The following PRKN variants were observed in gnomAD, a reference collection of about 807,000 sequenced individuals.
PRKN encodes the protein parkin RBR E3 ubiquitin protein ligase.
A neutral mutation model predicts 59.5 loss-of-function variants in PRKN; 56 were observed. The ratio of observed to expected loss-of-function variants is 0.94; its 90% CI spans 0.76 to 1.18. The LOEUF (loss-of-function observed/expected upper bound fraction) is 1.18, where lower values mean the gene tolerates loss of function less well. PRKN is among the 50% of genes most tolerant of loss of function. The probability of loss-of-function intolerance (pLI) is 0.00; values close to 1 mark genes in which losing one functional copy is unlikely to be tolerated. For synonymous variants in PRKN, 250 were observed against 222.1 expected, an observed-to-expected ratio of 1.13 and a Z score of -1.12; for missense variants, 657 against 596.4, an observed-to-expected ratio of 1.10 and a Z score of -1.06.
chr6:162,500,081 G>A (rs1398296043), intron 1 of PRKN, among the ~76,000 whole-genome samples: 1 of 151,822 alleles, frequency 6.6e-6, no homozygotes, highest in Admixed American at 6.6e-5. Context: ...GCAAAGGTGG[G>A]TTCCTGTCAT....
At chr6:162,263,234 C>A in intron 2 of PRKN, 1 of 208,914 alleles carries the variant, frequency 4.8e-6, no homozygotes, top group Non-Finnish European at 9.8e-6. Context: ...CGGGCACCAC[C>A]ACACCTGGCT....
chr6:161,517,569 T>G (rs1778656704), intron 9 of PRKN, among the ~76,000 whole-genome samples: 1 of 151,558 alleles, frequency 6.6e-6, no homozygotes, highest in Non-Finnish European at 1.5e-5. Context: ...TGAAACCCTG[T>G]CTCTACTAAA....
At chr6:162,046,904 T>TA (rs67078159) in intron 5 of PRKN, among the ~76,000 whole-genome samples, 123,893 of 148,950 alleles carry the variant, frequency 0.83, 51,625 homozygotes, top group Admixed American at 0.89. Context: ...CCTTAACAAT[T>TA]AAAAAAAAAA....
At chr6:162,381,255 G>C (rs1786469080) in intron 2 of PRKN, among the ~76,000 whole-genome samples, 1 of 152,044 alleles carries the variant, frequency 6.6e-6, no homozygotes, top group Admixed American at 6.6e-5. Flanking sequence ...ATAGCATGCA[G>C]CAATAAATAG....
rs866370987 is a variant in PRKN at position 161,875,040 on chromosome 6, T to A, written c.735-89132A>T. Reference sequence around the variant, plus strand: ...ATATAAAGTATATAATATAATAAATTATATATTATATATAAAGTATATACA... The same window carrying A: ...ATATAAAGTATATAATATAATAAATAATATATTATATATAAAGTATATACA... On this transcript the variant is annotated intron_variant, in intron 6 of 11. Coordinates refer to ENST00000366898, the MANE Select transcript of PRKN (RefSeq NM_004562.3). Among the ~76,000 whole-genome samples, 81 of 103,894 alleles carry A rather than the reference T, an allele frequency of 7.8e-4. 1 individual carries two copies. Among genetic ancestry groups the A allele is most frequent in the African/African-American group, 2.7e-3 (65 of 23,982 alleles). The allele number at this position is 103,894 out of a possible 152,430, so 68.2% of individuals were successfully genotyped here.
chr6:162,678,010 A>T (rs1396978397), intron 1 of PRKN, among the ~76,000 whole-genome samples: 1 of 152,144 alleles, frequency 6.6e-6, no homozygotes, highest in Non-Finnish European at 1.5e-5. Context: ...CATTTGAATT[A>T]CAGATTAGTT....
chr6:161,742,262 G>A (rs1049754461), intron 7 of PRKN, among the ~76,000 whole-genome samples: 7 of 152,088 alleles, frequency 4.6e-5, no homozygotes, highest in African/African-American at 1.2e-4. Context: ...GAGCCACTGC[G>A]CCCAGCCCTG....
At chr6:161,736,059 G>A (rs756897784) in intron 7 of PRKN, among the ~76,000 whole-genome samples, 4 of 152,086 alleles carry the variant, frequency 2.6e-5, no homozygotes, top group Non-Finnish European at 4.4e-5. Context: ...CTGGAATCAC[G>A]GGAAGAAAAC....
At chr6:162,475,387 A>G (rs547148150) in intron 1 of PRKN, among the ~76,000 whole-genome samples, 77 of 152,346 alleles carry the variant, frequency 5.1e-4, no homozygotes, top group African/African-American at 1.7e-3. Context: ...AATAGTTCCA[A>G]TCTTGGAAAG....
intron 2 of PRKN, among the ~76,000 whole-genome samples, chr6:162,400,985 T>C (rs1787765089): frequency 6.6e-6 from 1 of 152,036 alleles, no homozygotes; most frequent in Non-Finnish European, 1.5e-5. Flanking sequence ...CAAATGAGAA[T>C]CACAGAATAT....
chr6:162,325,695 T>C (rs1783236179), intron 2 of PRKN, among the ~76,000 whole-genome samples: 1 of 152,190 alleles, frequency 6.6e-6, no homozygotes, highest in East Asian at 1.9e-4. Context: ...TTAGTAGATA[T>C]TTTTAACGTA....
chr6:162,021,149 T>TA (rs1783153968), intron 5 of PRKN, among the ~76,000 whole-genome samples: 1 of 13,444 alleles, frequency 7.4e-5, no homozygotes, highest in Admixed American at 1.3e-3. Flanking sequence ...TATATATATA[T>TA]ATATATATAT....
chr6:162,500,751 C>T (rs938702049), intron 1 of PRKN, among the ~76,000 whole-genome samples: 5 of 152,110 alleles, frequency 3.3e-5, no homozygotes, highest in African/African-American at 1.2e-4. Flanking sequence ...AATTGATATG[C>T]TATCTGTATA....
chr6:162,433,935 G>A (rs1789654198), intron 2 of PRKN, among the ~76,000 whole-genome samples: 1 of 152,062 alleles, frequency 6.6e-6, no homozygotes, highest in South Asian at 2.1e-4. Context: ...TCTAATGTCA[G>A]AATATTCTAT....
chr6:161,972,741 T>C (rs1173464811), intron 6 of PRKN, among the ~76,000 whole-genome samples: 1 of 152,162 alleles, frequency 6.6e-6, no homozygotes, highest in South Asian at 2.1e-4. Context: ...AAATTTTTTT[T>C]CCATTCCTGG....
chr6:161,798,053 T>G (rs189342246), intron 6 of PRKN, among the ~76,000 whole-genome samples: 95 of 152,076 alleles, frequency 6.2e-4, no homozygotes, highest in African/African-American at 2.2e-3. Flanking sequence ...TACAAAAAAT[T>G]AATCGGGCGT....
intron 3 of PRKN, among the ~76,000 whole-genome samples, chr6:162,228,057 C>A (rs1332388740): frequency 6.6e-6 from 1 of 152,032 alleles, no homozygotes; most frequent in African/African-American, 2.4e-5. Flanking sequence ...AGAGAATTCT[C>A]CAAATAGAAG....
chr6:162,265,464 G>A (rs138562014), intron 2 of PRKN, among the ~76,000 whole-genome samples: 1,591 of 152,252 alleles, frequency 0.01, 20 homozygotes, highest in Middle Eastern at 0.024. Flanking sequence ...ACTGGGGTGG[G>A]CGGATCACTT....
chr6:161,885,135 TA>T (rs66612910), intron 6 of PRKN, among the ~76,000 whole-genome samples: 26,355 of 121,672 alleles, frequency 0.22, 2,648 homozygotes, highest in East Asian at 0.41. Flanking sequence ...GAAGAAAAAC[TA>T]AAAAAAAAAA....
Sources: allele counts gnomAD v4.1 joint callset (sites outside exome capture counted in the v4.1 genomes callset), GRCh38; gene constraint gnomAD v4.1.1; transcripts MANE v1.5; gene names NCBI Gene and HGNC (gene_info 2026-07-23, HGNC 2026-07-21).